Variants in PALLD observed in about 807,000 individuals in gnomAD.
The protein encoded by PALLD is palladin.
A neutral mutation model predicts 123.5 loss-of-function variants in PALLD; 61 were observed. The ratio of observed to expected loss-of-function variants is 0.49; its 90% CI spans 0.40 to 0.61. The LOEUF is 0.61. Ranked by LOEUF, PALLD falls within the 20% of genes least tolerant of loss-of-function variation. The probability of loss-of-function intolerance (pLI) is 0.00; values close to 1 mark genes in which losing one functional copy is unlikely to be tolerated. For missense variants in PALLD, 1,273 were observed against 1,377.0 expected (o/e 0.92, Z 1.20); for synonymous variants, 465 against 496.4 (o/e 0.94, Z 0.84).
intron 2 of PALLD, among the ~76,000 whole-genome samples, chr4:168,580,871 C>G (rs1463922107): frequency 6.6e-6 from 1 of 151,812 alleles, no homozygotes; most frequent in Non-Finnish European, 1.5e-5. Flanking sequence ...AACACAGGAA[C>G]AGAAAGCCAA....
At chr4:168,798,843 A>G (rs969369917) in intron 10 of PALLD, among the ~76,000 whole-genome samples, 1 of 152,196 alleles carries the variant, frequency 6.6e-6, no homozygotes, top group Non-Finnish European at 1.5e-5. Flanking sequence ...AGCGTGAGAG[A>G]ATTCATAGTT....
chr4:168,746,077 A>G (rs920213263), intron 10 of PALLD, among the ~76,000 whole-genome samples: 3 of 152,102 alleles, frequency 2.0e-5, no homozygotes, highest in Admixed American at 2.0e-4. Context: ...GGCCTATACA[A>G]TGTCCCTGTT....
At chr4:168,778,946 C>T (rs1007734048) in intron 10 of PALLD, among the ~76,000 whole-genome samples, 2 of 152,210 alleles carry the variant, frequency 1.3e-5, no homozygotes, top group African/African-American at 4.8e-5. Context: ...TAGGCATGAG[C>T]CACCGTCCTC....
At chr4:168,878,022 G>A in intron 10 of PALLD, 2 of 1,493,234 alleles carry the variant, frequency 1.3e-6, no homozygotes, top group Non-Finnish European at 1.8e-6. Flanking sequence ...CCGGCCTCCA[G>A]CCCCAGCTCG....
At chr4:168,728,761 T>G (rs974247365) in intron 10 of PALLD, among the ~76,000 whole-genome samples, 1 of 152,178 alleles carries the variant, frequency 6.6e-6, no homozygotes, top group Non-Finnish European at 1.5e-5. Context: ...ATTACATGAG[T>G]AAGCTCTTTA....
chr4:168,846,560 C>T (rs1746878902), intron 10 of PALLD, among the ~76,000 whole-genome samples: 1 of 152,180 alleles, frequency 6.6e-6, no homozygotes, highest in South Asian at 2.1e-4. Context: ...TGGAATTTTG[C>T]AGTTTCCTCT....
chr4:168,923,821 C>G (rs1391221990), intron 18 of PALLD, among the ~76,000 whole-genome samples: 1 of 152,160 alleles, frequency 6.6e-6, no homozygotes, highest in Non-Finnish European at 1.5e-5. Context: ...GCAAACATGG[C>G]AAACGGCAGT....
At chr4:168,872,366 T>C (rs553430027) in intron 10 of PALLD, among the ~76,000 whole-genome samples, 6 of 152,336 alleles carry the variant, frequency 3.9e-5, no homozygotes, top group African/African-American at 1.4e-4. Context: ...TCCTCCATAA[T>C]TGTGTTCAGT....
intron 2 of PALLD, among the ~76,000 whole-genome samples, chr4:168,617,506 C>G (rs143108812): frequency 6.6e-6 from 1 of 152,192 alleles, no homozygotes; most frequent in East Asian, 1.9e-4. Flanking sequence ...AGACTAGGGG[C>G]CGGCCAGTCA....
At chr4:168,530,575 T>C (rs1561214744) in intron 2 of PALLD, 1 of 152,252 alleles carries the variant, frequency 6.6e-6, no homozygotes, top group African/African-American at 2.4e-5. Flanking sequence ...TGGACTCCTG[T>C]TGCTGCACAT....
At chr4:168,633,828 C>CT (rs1272576424) in intron 2 of PALLD, among the ~76,000 whole-genome samples, 114 of 152,290 alleles carry the variant, frequency 7.5e-4, no homozygotes, top group African/African-American at 2.6e-3. Flanking sequence ...TTCCATCAAG[C>CT]TTTAATCATA....
At chr4:168,765,495 C>T (rs1430999925) in intron 10 of PALLD, among the ~76,000 whole-genome samples, 1 of 152,132 alleles carries the variant, frequency 6.6e-6, no homozygotes, top group Non-Finnish European at 1.5e-5. Context: ...ACCTCAGAGC[C>T]AAGGTGATAT....
chr4:168,838,118 A>T (rs147518163), intron 10 of PALLD, among the ~76,000 whole-genome samples: 1 of 152,210 alleles, frequency 6.6e-6, no homozygotes, highest in African/African-American at 2.4e-5. Context: ...TGTTGAGTAC[A>T]TGTCACCCTC....
intron 2 of PALLD, among the ~76,000 whole-genome samples, chr4:168,576,148 T>G (rs1191642720): frequency 6.6e-6 from 1 of 152,158 alleles, no homozygotes; most frequent in African/African-American, 2.4e-5. Context: ...GATGCACTTT[T>G]TAATATTTCA....
chr4:168,900,649 G>A (rs148877332), intron 14 of PALLD, among the ~76,000 whole-genome samples: 5 of 152,142 alleles, frequency 3.3e-5, no homozygotes, highest in Admixed American at 6.5e-5. Context: ...GAATCGCAAC[G>A]CCAAAGTCAA....
chr4:168,926,392 A>ATTCTTGTTAAAGCTGAAACAC lies in PALLD; in HGVS notation c.*214_*234dup. On this transcript the variant is annotated 3_prime_UTR_variant, in exon 22 of 22. Transcript: ENST00000505667. Reference sequence around the variant, plus strand: ...AGAAAGTGAGGACCTGTAATCCAGCATTCTTGTTAAAGCTGAAACACTGAA... The same window carrying ATTCTTGTTAAAGCTGAAACAC: ...AGAAAGTGAGGACCTGTAATCCAGCATTCTTGTTAAAGCTGAAACACTTCTTGTTAAAGCTGAAACACTGAA... The ATTCTTGTTAAAGCTGAAACAC allele has an allele frequency of 1.3e-6, 2 of 1,534,756 alleles. No individual in the cohort carries two copies. The highest frequency in any genetic ancestry group is 2.4e-5 in the South Asian group (2 of 83,976).
At chr4:168,552,207 A>G (rs1236163030) in intron 2 of PALLD, among the ~76,000 whole-genome samples, 3 of 152,154 alleles carry the variant, frequency 2.0e-5, no homozygotes, top group African/African-American at 7.2e-5. Context: ...ATAAGAGCCT[A>G]TCCTTTACTG....
chr4:168,790,303 AG>A (rs981649856), intron 10 of PALLD, among the ~76,000 whole-genome samples: 6 of 151,840 alleles, frequency 4.0e-5, no homozygotes, highest in African/African-American at 1.5e-4. Context: ...CTGGGACTAC[AG>A]GCATGTGCCA....
intron 2 of PALLD, among the ~76,000 whole-genome samples, chr4:168,592,648 T>C (rs1027753653): frequency 5.9e-5 from 9 of 152,210 alleles, no homozygotes; most frequent in East Asian, 1.9e-4. Context: ...TAGATCTTAT[T>C]TGACTTGACC....
Sources: gnomAD v4.1 joint callset for allele counts (sites outside exome capture counted in the v4.1 genomes callset) on GRCh38, gnomAD v4.1.1 for gene constraint, MANE v1.5 for transcripts, NCBI Gene and HGNC (gene_info 2026-07-23, HGNC 2026-07-21) for gene names.